MACROD2: variants seen among roughly 807,000 people sequenced by gnomAD.
MACROD2 encodes the protein ADP-ribose glycohydrolase MACROD2.
In MACROD2, 36 loss-of-function variants were observed where a neutral mutation model predicts 70.4. The ratio of observed to expected loss-of-function variants is 0.51; its 90% confidence interval spans 0.39 to 0.68. The LOEUF is 0.68. Ranked by LOEUF, MACROD2 falls within the 30% of genes least tolerant of loss-of-function variation. The pLI is 0.00. For missense variants in MACROD2, 496 were observed against 538.4 expected (o/e 0.92, Z 0.78); for synonymous variants, 172 against 178.8 (o/e 0.96, Z 0.30).
chr20:15,629,959 T>C (rs1198254322), intron 8 of MACROD2, among the ~76,000 whole-genome samples: 1 of 152,202 alleles, frequency 6.6e-6, no homozygotes. Flanking sequence ...TTCTGTAAAA[T>C]CTCCTGCTCT....
intron 8 of MACROD2, among the ~76,000 whole-genome samples, chr20:15,736,488 G>A (rs2051022654): frequency 6.6e-6 from 1 of 152,156 alleles, no homozygotes; most frequent in African/African-American, 2.4e-5. Flanking sequence ...GATAAAAAGT[G>A]TGAGCAGCAT....
chr20:15,931,862 G>A (rs2065584034), intron 10 of MACROD2, among the ~76,000 whole-genome samples: 2 of 151,948 alleles, frequency 1.3e-5, no homozygotes, highest in South Asian at 2.1e-4. Flanking sequence ...TCAGTAGGTC[G>A]TTTTCCAGAG....
chr20:15,956,299 G>A (rs903174012), intron 12 of MACROD2, among the ~76,000 whole-genome samples: 1 of 152,176 alleles, frequency 6.6e-6, no homozygotes, highest in Non-Finnish European at 1.5e-5. Context: ...AGATTAGTTT[G>A]TTGTTCTTCT....
intron 12 of MACROD2, among the ~76,000 whole-genome samples, chr20:15,964,875 C>G (rs1024590192): frequency 1.3e-5 from 2 of 152,146 alleles, no homozygotes; most frequent in African/African-American, 4.8e-5. Flanking sequence ...AGTACTTTTC[C>G]TTCTACTTTA....
chr20:14,332,201 T>TG (rs1027110885), intron 3 of MACROD2, among the ~76,000 whole-genome samples: 16 of 152,226 alleles, frequency 1.1e-4, no homozygotes, highest in African/African-American at 3.8e-4. Flanking sequence ...ATAAAAATTG[T>TG]GGGGTTTTTT....
At chr20:15,231,688 T>C (rs964305414) in intron 6 of MACROD2, among the ~76,000 whole-genome samples, 2 of 152,080 alleles carry the variant, frequency 1.3e-5, no homozygotes, top group African/African-American at 4.8e-5. Flanking sequence ...CGTGTTACTC[T>C]ATTTGCTACC....
At chr20:14,094,768 T>C (rs2054199711) in intron 3 of MACROD2, among the ~76,000 whole-genome samples, 1 of 152,182 alleles carries the variant, frequency 6.6e-6, no homozygotes. Context: ...CAGCCACCTT[T>C]AGTTGCTCCC....
At chr20:14,646,945 G>T (rs1371711678) in intron 4 of MACROD2, among the ~76,000 whole-genome samples, 1 of 152,080 alleles carries the variant, frequency 6.6e-6, no homozygotes, top group Non-Finnish European at 1.5e-5. Flanking sequence ...CTGGGGTTTT[G>T]TTGTTAGCTG....
intron 5 of MACROD2, among the ~76,000 whole-genome samples, chr20:14,815,496 T>C (rs537089964): frequency 6.6e-6 from 1 of 152,070 alleles, no homozygotes; most frequent in African/African-American, 2.4e-5. Context: ...TGTGTGGGTG[T>C]GTGTGTGTGT....
chr20:15,387,980 G>A (rs1568768758), intron 6 of MACROD2, among the ~76,000 whole-genome samples: 2 of 151,962 alleles, frequency 1.3e-5, no homozygotes, highest in South Asian at 4.1e-4. Context: ...TGAACTCCTG[G>A]GCTCAAGCCG....
intron 2 of MACROD2, among the ~76,000 whole-genome samples, chr20:14,046,093 A>G (rs1161976564): frequency 6.6e-6 from 1 of 152,232 alleles, no homozygotes; most frequent in Non-Finnish European, 1.5e-5. Flanking sequence ...GAAATTCCCA[A>G]AATTAAAGTG....
At chr20:15,288,853 A>ATGTCTGTC (rs765126995) in intron 6 of MACROD2, among the ~76,000 whole-genome samples, 5 of 136,594 alleles carry the variant, frequency 3.7e-5, no homozygotes, top group African/African-American at 1.4e-4. Flanking sequence ...GTCTCTCTAT[A>ATGTCTGTC]TGTCTGTCTG....
At chr20:14,506,821 C>A (rs923205533) in intron 4 of MACROD2, among the ~76,000 whole-genome samples, 1 of 152,014 alleles carries the variant, frequency 6.6e-6, no homozygotes, top group Admixed American at 6.6e-5. Context: ...CGTGGTGGCA[C>A]GTGCCTGCAG....
chr20:15,720,310 T>A (rs2050769684), intron 8 of MACROD2, among the ~76,000 whole-genome samples: 1 of 152,222 alleles, frequency 6.6e-6, no homozygotes, highest in Admixed American at 6.5e-5. Context: ...TTTGTATGTA[T>A]ACCCAGTGAT....
intron 8 of MACROD2, among the ~76,000 whole-genome samples, chr20:15,701,519 G>T (rs1251677901): frequency 6.6e-6 from 1 of 152,046 alleles, no homozygotes; most frequent in East Asian, 1.9e-4. Flanking sequence ...ATGGCTTCAA[G>T]TTTGCATGAT....
At chr20:14,379,265 G>A (rs952994791) in intron 3 of MACROD2, among the ~76,000 whole-genome samples, 5 of 152,120 alleles carry the variant, frequency 3.3e-5, no homozygotes, top group Admixed American at 6.6e-5. Flanking sequence ...GAATCTGTGC[G>A]TTTCACCTGT....
At chr20:14,727,329 A>C (rs1932949) in intron 5 of MACROD2, among the ~76,000 whole-genome samples, 21,432 of 152,088 alleles carry the variant, frequency 0.14, 2,031 homozygotes, top group South Asian at 0.37. Context: ...CCAGGAGTCC[A>C]ACACCAGCCT....
At chr20:16,025,845 G>A (rs1413924723) in intron 15 of MACROD2, among the ~76,000 whole-genome samples, 1 of 151,470 alleles carries the variant, frequency 6.6e-6, no homozygotes, top group Non-Finnish European at 1.5e-5. Context: ...GCCACAGAGT[G>A]ATCCCATCTT....
chr20:14,409,932 T>G (rs930616437), intron 3 of MACROD2, among the ~76,000 whole-genome samples: 3 of 152,132 alleles, frequency 2.0e-5, no homozygotes, highest in African/African-American at 7.2e-5. Flanking sequence ...CTCCAAAGCA[T>G]TCACCCGTCC....
Sources: allele counts gnomAD v4.1 joint callset (sites outside exome capture counted in the v4.1 genomes callset), GRCh38; gene constraint gnomAD v4.1.1; transcripts MANE v1.5; gene names NCBI Gene and HGNC (gene_info 2026-07-23, HGNC 2026-07-21).